The following UBE3B variants were observed in gnomAD, a reference collection of about 807,000 sequenced individuals.
The protein encoded by UBE3B is ubiquitin protein ligase E3B.
Under a neutral mutation model 132.3 loss-of-function variants are expected in UBE3B, and 80 were observed. The ratio of observed to expected loss-of-function variants is 0.60; its 90% CI spans 0.50 to 0.73. The LOEUF (loss-of-function observed/expected upper bound fraction) is 0.73. UBE3B is among the 30% of genes least tolerant of loss of function. The pLI is 0.00. For missense variants in UBE3B, 1,196 were observed against 1,362.5 expected (o/e 0.88, Z 1.92); for synonymous variants, 487 against 520.4 (o/e 0.94, Z 0.87).
At chr12:109,496,235 T>C (rs958626797) in intron 9 of UBE3B, among the ~76,000 whole-genome samples, 4 of 152,238 alleles carry the variant, frequency 2.6e-5, no homozygotes, top group African/African-American at 9.6e-5. Flanking sequence ...CGTTGTAGCA[T>C]GGATCAGTAC....
Position 109,516,776 on chromosome 12 carries a change from G to A in UBE3B, c.1968G>A (p.Leu656=), listed in dbSNP as rs1169938017. The change falls in exon 19 of 28, where the codon CTG becomes CTA. Residue 656 remains leucine (L), a synonymous_variant. Coordinates refer to ENST00000342494, the MANE Select transcript of UBE3B (RefSeq NM_130466.4). ...TTTGTTCATTTTAGAGAGTTCTACT[G>A]TTTCGAACCATGGTTACCAAGGAGA... ...HVIPHKNRVL[L]FRTMVTKEKE... The A allele has an allele frequency of 1.9e-6, 3 of 1,613,944 alleles. No individual in the cohort carries two copies. Among genetic ancestry groups the A allele is most frequent in the Non-Finnish European group, 2.5e-6 (3 of 1,179,982 alleles).
chr12:109,503,840 C>T (rs977606589), intron 14 of UBE3B, among the ~76,000 whole-genome samples: 1 of 152,180 alleles, frequency 6.6e-6, no homozygotes, highest in African/African-American at 2.4e-5. Flanking sequence ...CCGTGGAAGC[C>T]TTTTATTACA....
At chr12:109,511,464 T>C in intron 18 of UBE3B, 161 bp downstream of exon 18, 1 of 673,498 alleles carries the variant, frequency 1.5e-6, no homozygotes, top group Non-Finnish European at 2.5e-6. Flanking sequence ...TTACACCCAG[T>C]GCTGGGGTAC....
At chr12:109,491,754 G>A (rs1877495047) in intron 9 of UBE3B, 1 of 152,304 alleles carries the variant, frequency 6.6e-6, no homozygotes. Context: ...AAGGAAGAGT[G>A]TCATGGTGGA....
chr12:109,507,877 T>C, intron 15 of UBE3B, 142 bp downstream of exon 15: 4 of 999,584 alleles, frequency 4.0e-6, no homozygotes, highest in Non-Finnish European at 5.9e-6. Flanking sequence ...ACTAGCCATT[T>C]ACCAAGTGAG....
downstream of UBE3B, among the ~76,000 whole-genome samples, chr12:109,539,064 T>C (rs1883551348): frequency 6.6e-6 from 1 of 152,134 alleles, no homozygotes; most frequent in Non-Finnish European, 1.5e-5. Flanking sequence ...GGTGAAACCC[T>C]GTCTCTACTA....
In UBE3B at chr12:109,526,404, C is replaced by T; in HGVS notation, c.2615C>T (p.Thr872Ile). The change falls in exon 24 of 28, where the codon ACA (threonine) becomes ATA (isoleucine). Residue 872 changes from threonine (T) to isoleucine (I), a missense_variant. Thr to Ile is a moderately conservative substitution (Grantham distance 89). Coordinates refer to ENST00000342494, the MANE Select transcript of UBE3B (RefSeq NM_130466.4). Reference protein sequence around the residue: ...LIPGGKTIPVTNENKISYIHL... With the variant: ...LIPGGKTIPVINENKISYIHL... Reference sequence around the variant, plus strand: ...CCTGGAGGGAAGACCATTCCTGTTACAAATGAAAATAAGTGAGTATAGCAA... The same window carrying T: ...CCTGGAGGGAAGACCATTCCTGTTATAAATGAAAATAAGTGAGTATAGCAA... The T allele has an allele frequency of 6.2e-7, 1 of 1,614,092 alleles. No individual in the cohort carries two copies. Among genetic ancestry groups the T allele is most frequent in the Non-Finnish European group, 8.5e-7 (1 of 1,180,010 alleles).
rs756453947 is a variant in UBE3B, at chr12:109,534,593, C to T, written c.3018C>T (p.Asp1006=). 10 of 1,608,100 alleles carry T rather than the reference C, an allele frequency of 6.2e-6. No homozygotes were observed. In the Admixed American group the frequency reaches 1.5e-4, roughly 25 times the overall value. The change falls in exon 28 of 28, where the codon GAC becomes GAT. Residue 1006 remains aspartate, a splice_region_variant and synonymous_variant. Transcript: ENST00000342494. The surrounding 1 kb of genome is among the most constrained non-coding windows in gnomAD (Gnocchi z 5.2). ...AAGGCCACGATGTGTGCCTTCAGGA[C>T]ACCGGGGACACTCTGGGCAGCGTCC... ...IRCVEVSDDQ[D]TGDTLGSVLR... is the part of the protein sequence containing the mutation.
At chr12:109,497,616 T>C (rs920467630) in intron 9 of UBE3B, among the ~76,000 whole-genome samples, 1 of 152,194 alleles carries the variant, frequency 6.6e-6, no homozygotes, top group Non-Finnish European at 1.5e-5. Flanking sequence ...TGGTTTTTCA[T>C]AGCTGCACAG....
chr12:109,493,045 G>A (rs1877700694), intron 9 of UBE3B, among the ~76,000 whole-genome samples: 1 of 152,098 alleles, frequency 6.6e-6, no homozygotes, highest in African/African-American at 2.4e-5. Context: ...GGATGTAACC[G>A]GTTATGCTAT....
intron 14 of UBE3B, among the ~76,000 whole-genome samples, chr12:109,505,415 C>T (rs1879537588): frequency 6.6e-6 from 1 of 152,202 alleles, no homozygotes; most frequent in Non-Finnish European, 1.5e-5. Context: ...GCATTCTAGT[C>T]TACGCTACAT....
Position 109,499,688 on chromosome 12 carries a change from T to G in UBE3B, c.996T>G (p.Asp332Glu). The G allele has an allele frequency of 6.2e-7, 1 of 1,613,180 alleles. No individual in the cohort carries two copies. The highest frequency in any genetic ancestry group is 1.1e-5 in the South Asian group (1 of 91,008). ...CCAGAGTGTTAGAGGAGGAGACAGATGGGTTCGTGAGTTTGCTCACCCAGA... is the reference window on the plus strand; with the variant it reads ...CCAGAGTGTTAGAGGAGGAGACAGAGGGGTTCGTGAGTTTGCTCACCCAGA... ...LSPRVLEEET[D>E]GFVSLLTQTL... The change falls in exon 12 of 28, where the codon GAT (aspartate) becomes GAG (glutamate). Residue 332 changes from aspartate (D) to glutamate (E), a missense_variant. Physicochemically the swap from Asp to Glu is conservative, Grantham distance 45 (BLOSUM62 2). Transcript: ENST00000342494.
chr12:109,540,157 T>G (rs1384118101), downstream of UBE3B, among the ~76,000 whole-genome samples: 2 of 152,160 alleles, frequency 1.3e-5, no homozygotes, highest in Non-Finnish European at 2.9e-5. Context: ...AGGCCCTGAG[T>G]CTGCCTAGAT....
chr12:109,520,126 A>C (rs1428581961), intron 19 of UBE3B: 2 of 152,252 alleles, frequency 1.3e-5, no homozygotes, highest in African/African-American at 4.8e-5. Context: ...ATAGGACAGC[A>C]GGGTTGATTG....
intron 18 of UBE3B, among the ~76,000 whole-genome samples, chr12:109,515,611 C>T (rs1176228918): frequency 6.6e-6 from 1 of 152,114 alleles, no homozygotes; most frequent in Non-Finnish European, 1.5e-5. Context: ...TCAGGTGATC[C>T]ACCTGCCTCG....
intron 16 of UBE3B, 42 bp from the exon 17 acceptor site, chr12:109,510,302 C>T (rs2135986547): frequency 3.3e-6 from 5 of 1,510,744 alleles, no homozygotes; most frequent in East Asian, 2.4e-5. Flanking sequence ...TGCTCTCTGG[C>T]TCTGACTCCT....
chr12:109,511,280 C>G lies in UBE3B; in HGVS notation c.1933C>G (p.Pro645Ala). The G allele has an allele frequency of 6.2e-7, 1 of 1,614,164 alleles. No individual in the cohort carries two copies. Among genetic ancestry groups the G allele is most frequent in the South Asian group, 1.1e-5 (1 of 91,074 alleles). Residue 645 changes from proline (P) to alanine (A), a missense_variant, in exon 18 of 28, where the codon CCA becomes GCA. Coordinates refer to ENST00000342494, the MANE Select transcript of UBE3B (RefSeq NM_130466.4). Reference sequence around the variant, plus strand: ...GGCACAGTTGATCCTGCAGTACATCCCACATGTCATCCCTCACAAAAACGT... The same window carrying G: ...GGCACAGTTGATCCTGCAGTACATCGCACATGTCATCCCTCACAAAAACGT... The part of the protein sequence containing the change: ...KRAQLILQYI[P>A]HVIPHKNRVL...
chr12:109,498,615 A>G (rs1264331768), intron 11 of UBE3B, among the ~76,000 whole-genome samples: 1 of 152,222 alleles, frequency 6.6e-6, no homozygotes, highest in Admixed American at 6.5e-5. Context: ...TCAAGGAGAA[A>G]GTGAAAATGT....
At chr12:109,489,520 G>A (rs1406055812) in intron 7 of UBE3B, among the ~76,000 whole-genome samples, 5 of 152,186 alleles carry the variant, frequency 3.3e-5, no homozygotes, top group African/African-American at 4.8e-5. Flanking sequence ...GGCCTCTTGG[G>A]GGGAACCCAA....
Sources: allele counts gnomAD v4.1 joint callset (sites outside exome capture counted in the v4.1 genomes callset), GRCh38; gene constraint gnomAD v4.1.1; non-coding constraint Gnocchi (gnomAD v3.1); transcripts MANE v1.5; gene names NCBI Gene and HGNC (gene_info 2026-07-23, HGNC 2026-07-21).